The following XKR3 variants were observed in gnomAD, a reference collection of about 807,000 sequenced individuals.
XKR3 encodes the protein XK related 3.
XKR3 carries 27 observed loss-of-function variants against 40.3 expected under a neutral mutation model. That is an observed-to-expected ratio of 0.67 (90% CI 0.49 to 0.92). The LOEUF (loss-of-function observed/expected upper bound fraction) is 0.92. XKR3 is among the 40% of genes least tolerant of loss of function. The pLI is 0.00. For synonymous variants in XKR3, 193 were observed against 195.4 expected, an observed-to-expected ratio of 0.99 and a Z score of 0.10; for missense variants, 472 against 537.6, an observed-to-expected ratio of 0.88 and a Z score of 1.21.
intron 3 of XKR3, among the ~76,000 whole-genome samples, chr22:16,788,514 C>T (rs1341529799): frequency 2.6e-5 from 4 of 151,828 alleles, no homozygotes; most frequent in Non-Finnish European, 5.9e-5. Context: ...TAAAGAAAAG[C>T]CCAGGACCTG....
chr22:16,817,545 G>A (rs903303736), intron 1 of XKR3, among the ~76,000 whole-genome samples: 8 of 152,050 alleles, frequency 5.3e-5, no homozygotes, highest in African/African-American at 1.7e-4. Context: ...AAATATTCCA[G>A]CTAAATGTCT....
At chr22:16,816,166 C>G (rs544624184) in intron 1 of XKR3, among the ~76,000 whole-genome samples, 1 of 151,848 alleles carries the variant, frequency 6.6e-6, no homozygotes, top group South Asian at 2.1e-4. Context: ...AATATGATTA[C>G]TCTCTTATCT....
chr22:16,799,967 C>G lies in XKR3; in HGVS notation c.393G>C (p.Lys131Asn), dbSNP rs781686360. Residue 131 changes from lysine (K) to asparagine (N), a missense_variant, in exon 3 of 4, where the codon AAG (lysine) becomes AAC (asparagine). Physicochemically the swap from Lys to Asn is moderately conservative, Grantham distance 94 (BLOSUM62 0). Transcript: ENST00000684488. ...TTGTGATGCTAACTTGAGTCTCTTCCTTCTCCTGTTTAAGATTTTTCAACC... is the reference window on the plus strand; with the variant it reads ...TTGTGATGCTAACTTGAGTCTCTTCGTTCTCCTGTTTAAGATTTTTCAACC... ...HKWLKNLKQE[K>N]EETQVSITKR... is the part of the protein sequence containing the mutation. The G allele has an allele frequency of 6.2e-7, 1 of 1,614,116 alleles. No individual in the cohort carries two copies. The highest frequency in any genetic ancestry group is 8.5e-7 in the Non-Finnish European group (1 of 1,180,010).
chr22:16,817,647 T>G (rs1413780369), intron 1 of XKR3, among the ~76,000 whole-genome samples: 2 of 152,196 alleles, frequency 1.3e-5, no homozygotes, highest in African/African-American at 4.8e-5. Context: ...TATCCACATT[T>G]ACTCCTCAGT....
At chr22:16,795,039 T>C (rs1240473222) in intron 3 of XKR3, among the ~76,000 whole-genome samples, 34 of 152,308 alleles carry the variant, frequency 2.2e-4, no homozygotes, top group Middle Eastern at 3.4e-3. Context: ...AACTCAACAC[T>C]TGACCAAATG....
chr22:16,810,587 A>G (rs2060208479), intron 1 of XKR3, among the ~76,000 whole-genome samples: 1 of 152,166 alleles, frequency 6.6e-6, no homozygotes. Flanking sequence ...CAGATACTGT[A>G]AAAGTAACCA....
rs2146135112 is a variant in XKR3 at position 16,783,979 on chromosome 22, C to T, written c.1020G>A (p.Arg340=). Residue 340 remains arginine, a synonymous_variant, in exon 4 of 4, where the codon AGG becomes AGA. Coordinates refer to ENST00000684488, the MANE Select transcript of XKR3 (RefSeq NM_001386955.1). ...TGTAGTGTAGGATTCTATGGCCCCACCTCTGTCTCCCGTCAATTATTTTGT... is the reference window on the plus strand; with the variant it reads ...TGTAGTGTAGGATTCTATGGCCCCATCTCTGTCTCCCGTCAATTATTTTGT... ...SDDKIIDGRQ[R]WGHRILHYSF... is the part of the protein sequence containing the mutation. The T allele has an allele frequency of 6.2e-6, 10 of 1,614,226 alleles. No individual in the cohort carries two copies. Among genetic ancestry groups the T allele is most frequent in the South Asian group, 1.1e-5 (1 of 91,086 alleles).
chr22:16,809,789 G>C (rs2060205469), intron 1 of XKR3, among the ~76,000 whole-genome samples: 1 of 152,066 alleles, frequency 6.6e-6, no homozygotes, highest in Non-Finnish European at 1.5e-5. Context: ...ACACGGTCTG[G>C]TTCTGTTGTC....
chr22:16,822,285 G>A (rs1270751025), intron 1 of XKR3, among the ~76,000 whole-genome samples: 1 of 151,884 alleles, frequency 6.6e-6, no homozygotes, highest in Non-Finnish European at 1.5e-5. Context: ...ACCTCTTCAA[G>A]GTAGGTTGTG....
intron 3 of XKR3, among the ~76,000 whole-genome samples, chr22:16,786,550 G>A (rs1601838368): frequency 6.6e-6 from 1 of 152,140 alleles, no homozygotes; most frequent in Admixed American, 6.5e-5. Context: ...ACCTCAGAGG[G>A]AAGACCATGG....
intron 1 of XKR3, among the ~76,000 whole-genome samples, chr22:16,813,869 A>G (rs762588608): frequency 3.9e-5 from 6 of 152,258 alleles, no homozygotes; most frequent in Non-Finnish European, 8.8e-5. Flanking sequence ...ATTCTATTCA[A>G]TATATCTCAC....
intron 3 of XKR3, among the ~76,000 whole-genome samples, chr22:16,797,231 A>C (rs2060145029): frequency 6.6e-6 from 1 of 152,236 alleles, no homozygotes; most frequent in Admixed American, 6.5e-5. Flanking sequence ...AAAATAACCT[A>C]GGAAGCATTA....
intron 1 of XKR3, among the ~76,000 whole-genome samples, chr22:16,822,877 GT>G (rs963532026): frequency 1.3e-5 from 2 of 152,052 alleles, no homozygotes; most frequent in African/African-American, 4.8e-5. Context: ...TTTGGTTGTG[GT>G]GGGTATTTAT....
At chr22:16,802,991 C>T (rs2060175402) in intron 2 of XKR3, among the ~76,000 whole-genome samples, 2 of 151,902 alleles carry the variant, frequency 1.3e-5, no homozygotes, top group Admixed American at 1.3e-4. Context: ...TTGTGGAGAT[C>T]GTGGAGAGGA....
chr22:16,802,902 G>C (rs1836873617), intron 2 of XKR3, among the ~76,000 whole-genome samples: 1 of 152,164 alleles, frequency 6.6e-6, no homozygotes, highest in Non-Finnish European at 1.5e-5. Context: ...ATTAAAATAA[G>C]ACATTAAGAC....
At chr22:16,817,490 T>G (rs552848380) in intron 1 of XKR3, among the ~76,000 whole-genome samples, 30 of 152,268 alleles carry the variant, frequency 2.0e-4, no homozygotes, top group African/African-American at 6.7e-4. Context: ...CCTCATTCTG[T>G]GTTAGATCCT....
intron 3 of XKR3, among the ~76,000 whole-genome samples, chr22:16,793,277 G>T (rs1177761803): frequency 6.6e-6 from 1 of 152,244 alleles, no homozygotes; most frequent in Non-Finnish European, 1.5e-5. Context: ...CTCCCAAAGG[G>T]CTGGGATTAC....
chr22:16,809,956 T>G (rs1193930839), intron 1 of XKR3, among the ~76,000 whole-genome samples: 1 of 152,172 alleles, frequency 6.6e-6, no homozygotes, highest in African/African-American at 2.4e-5. Context: ...CTCTTCATAT[T>G]GCCCAGGCTG....
chr22:16,797,623 T>C (rs2060147197), intron 3 of XKR3, among the ~76,000 whole-genome samples: 1 of 151,218 alleles, frequency 6.6e-6, no homozygotes, highest in Non-Finnish European at 1.5e-5. Flanking sequence ...AAACCCCGTC[T>C]CTACTAAAAA....
Sources: allele counts gnomAD v4.1 joint callset (sites outside exome capture counted in the v4.1 genomes callset), GRCh38; gene constraint gnomAD v4.1.1; transcripts MANE v1.5; gene names NCBI Gene and HGNC (gene_info 2026-07-23, HGNC 2026-07-21).